LRMDA: variants seen among roughly 807,000 people sequenced by gnomAD.
The protein encoded by LRMDA is leucine-rich melanocyte differentiation-associated protein.
Under a neutral mutation model 29.8 loss-of-function variants are expected in LRMDA, and 18 were observed. That is an observed-to-expected ratio of 0.60 (90% CI 0.42 to 0.90). The LOEUF is 0.90. Ranked by LOEUF, LRMDA falls within the 40% of genes least tolerant of loss-of-function variation. The pLI is 0.00. For missense variants in LRMDA, 273 were observed against 273.9 expected (o/e 1.00, Z 0.02); for synonymous variants, 125 against 109.4 (o/e 1.14, Z -0.89).
chr10:75,436,994 G>A (rs1844270540), intron 1 of LRMDA, among the ~76,000 whole-genome samples: 1 of 152,142 alleles, frequency 6.6e-6, no homozygotes, highest in African/African-American at 2.4e-5. Flanking sequence ...ATATCTTCTT[G>A]AGTCAAAATT....
chr10:76,513,258 G>A (rs1000989376), intron 6 of LRMDA, among the ~76,000 whole-genome samples: 1 of 152,286 alleles, frequency 6.6e-6, no homozygotes, highest in East Asian at 1.9e-4. Flanking sequence ...AGATTTTAGA[G>A]TTAGTTTCAA....
chr10:75,909,910 A>G (rs576618841), intron 2 of LRMDA, among the ~76,000 whole-genome samples: 2 of 152,330 alleles, frequency 1.3e-5, no homozygotes, highest in East Asian at 1.9e-4. Context: ...AACGACTTCA[A>G]TGTGTAGGGA....
intron 2 of LRMDA, among the ~76,000 whole-genome samples, chr10:75,510,433 C>T (rs1220823159): frequency 6.6e-6 from 1 of 152,176 alleles, no homozygotes; most frequent in Admixed American, 6.5e-5. Context: ...ATGTTACACA[C>T]TGTAGTTTTG....
intron 5 of LRMDA, among the ~76,000 whole-genome samples, chr10:76,254,300 T>C (rs12572229): frequency 6.6e-5 from 6 of 90,626 alleles, no homozygotes; most frequent in South Asian, 8.4e-4. Context: ...TATACTATAC[T>C]ATACCATACC....
chr10:75,472,984 T>C (rs1489725813), intron 2 of LRMDA, among the ~76,000 whole-genome samples: 3 of 152,250 alleles, frequency 2.0e-5, no homozygotes, highest in Non-Finnish European at 2.9e-5. Flanking sequence ...TCTGCCGTGT[T>C]GGTCACCTTT....
chr10:76,424,682 C>A (rs1310476847), intron 6 of LRMDA, among the ~76,000 whole-genome samples: 1 of 152,206 alleles, frequency 6.6e-6, no homozygotes, highest in East Asian at 1.9e-4. Context: ...TGGGTGATAT[C>A]ATTACCCATT....
At chr10:75,634,784 A>G (rs372085127) in intron 2 of LRMDA, among the ~76,000 whole-genome samples, 8 of 152,230 alleles carry the variant, frequency 5.3e-5, no homozygotes, top group Non-Finnish European at 1.2e-4. Flanking sequence ...AAATATAGAA[A>G]AATTCATATA....
chr10:76,204,039 CTAT>C, intron 5 of LRMDA, among the ~76,000 whole-genome samples: 1 of 146,832 alleles, frequency 6.8e-6, no homozygotes, highest in Non-Finnish European at 1.5e-5. Flanking sequence ...CCACCCATCT[CTAT>C]TCCATGTGCC....
At chr10:75,472,990 C>T (rs1027721724) in intron 2 of LRMDA, among the ~76,000 whole-genome samples, 1 of 152,150 alleles carries the variant, frequency 6.6e-6, no homozygotes, top group African/African-American at 2.4e-5. Context: ...GTGTTGGTCA[C>T]CTTTAGCTTT....
At chr10:76,304,699 C>T (rs922192469) in intron 5 of LRMDA, among the ~76,000 whole-genome samples, 3 of 152,190 alleles carry the variant, frequency 2.0e-5, no homozygotes, top group Admixed American at 6.5e-5. Context: ...TAGTATTTAT[C>T]GAGAAGATAC....
At chr10:75,893,854 A>G (rs531326705) in intron 2 of LRMDA, among the ~76,000 whole-genome samples, 21 of 150,894 alleles carry the variant, frequency 1.4e-4, no homozygotes, top group African/African-American at 5.1e-4. Context: ...AGTTGCTTGA[A>G]CCTAGGAGGT....
At chr10:76,096,375 A>T (rs1204267139) in intron 5 of LRMDA, among the ~76,000 whole-genome samples, 1 of 151,944 alleles carries the variant, frequency 6.6e-6, no homozygotes, top group Non-Finnish European at 1.5e-5. Flanking sequence ...TTTGTTGAAA[A>T]GGCCTGCCTT....
At chr10:76,442,415 G>T (rs1194756166) in intron 6 of LRMDA, among the ~76,000 whole-genome samples, 1 of 152,202 alleles carries the variant, frequency 6.6e-6, no homozygotes, top group African/African-American at 2.4e-5. Context: ...TCATAGGCCA[G>T]ATGTGGTGGC....
chr10:75,939,726 C>T (rs1195160290), intron 2 of LRMDA, among the ~76,000 whole-genome samples: 1 of 152,142 alleles, frequency 6.6e-6, no homozygotes, highest in Admixed American at 6.5e-5. Flanking sequence ...AGAGGTCATT[C>T]CTCAGGCCAG....
At chr10:76,055,085 A>AG (rs1564640501) in intron 4 of LRMDA, among the ~76,000 whole-genome samples, 2 of 148,126 alleles carry the variant, frequency 1.4e-5, no homozygotes, top group Admixed American at 6.7e-5. Context: ...AAAAAAAAAA[A>AG]AAAAAAAAAG....
chr10:75,714,685 T>C (rs994173526), intron 2 of LRMDA, among the ~76,000 whole-genome samples: 2 of 152,236 alleles, frequency 1.3e-5, no homozygotes, highest in African/African-American at 4.8e-5. Flanking sequence ...ATTTTTTTCC[T>C]ATATAAATGT....
intron 2 of LRMDA, among the ~76,000 whole-genome samples, chr10:75,949,524 G>A (rs1490745179): frequency 1.3e-5 from 2 of 152,170 alleles, no homozygotes; most frequent in East Asian, 3.9e-4. Context: ...CACAAGGGTT[G>A]GGGGAAGGCC....
At chr10:75,986,475 A>G (rs1847264253) in intron 2 of LRMDA, among the ~76,000 whole-genome samples, 1 of 152,274 alleles carries the variant, frequency 6.6e-6, no homozygotes, top group Non-Finnish European at 1.5e-5. Flanking sequence ...TCGTTGTCAT[A>G]TGAATGGCTC....
chr10:75,857,645 A>G (rs1844850747), intron 2 of LRMDA, among the ~76,000 whole-genome samples: 2 of 152,238 alleles, frequency 1.3e-5, no homozygotes, highest in Admixed American at 6.5e-5. Context: ...CTATCTCTTC[A>G]TCTGCGAAAT....
Sources: allele counts gnomAD v4.1 joint callset (sites outside exome capture counted in the v4.1 genomes callset), GRCh38; gene constraint gnomAD v4.1.1; transcripts MANE v1.5; gene names NCBI Gene and HGNC (gene_info 2026-07-23, HGNC 2026-07-21).